SOX6: variants seen among roughly 807,000 people sequenced by gnomAD.
SOX6 encodes SRY-box transcription factor 6, also known as transcription factor SOX-6.
In SOX6, 11 loss-of-function variants were observed where a neutral mutation model predicts 97.8. The observed-to-expected ratio is 0.11, with a 90% CI of 0.07 to 0.19. The LOEUF is 0.19. Among genes scored for constraint, SOX6 ranks in the 10% least tolerant of loss-of-function variants. The pLI is 1.00. For missense variants in SOX6, 810 were observed against 1,039.5 expected (o/e 0.78, Z 3.04); for synonymous variants, 360 against 371.4 (o/e 0.97, Z 0.35).
chr11:16,421,413 A>G (rs1859019860), intron 1 of SOX6, among the ~76,000 whole-genome samples: 1 of 152,168 alleles, frequency 6.6e-6, no homozygotes, highest in Non-Finnish European at 1.5e-5. Context: ...TGCATAAAAT[A>G]TAGAAAATGT....
intron 1 of SOX6, among the ~76,000 whole-genome samples, chr11:16,473,064 CA>C (rs1332964956): frequency 6.6e-6 from 1 of 152,108 alleles, no homozygotes; most frequent in East Asian, 1.9e-4. Context: ...TGATTAATTT[CA>C]AGTACTTTAA....
rs574945562 is a variant in SOX6, at chr11:16,321,624, T to C, written c.238-2971A>G. 5.3e-5 allele frequency among the ~76,000 whole-genome samples: 8 copies of C among 152,184 alleles called. No homozygotes were observed. The East Asian group carries it at 1.2e-3, about 22-fold the overall frequency. ...CAGACAATAACCATGGGTTCCTTAT[T>C]GCAGTGATGACCCACACTGTTCTTA... is the stretch of plus-strand genomic sequence containing the variant. On this transcript the variant is annotated intron_variant, in intron 2 of 15. Transcript: ENST00000683767.
chr11:16,412,922 G>A (rs1386325996), intron 1 of SOX6, among the ~76,000 whole-genome samples: 1 of 152,144 alleles, frequency 6.6e-6, no homozygotes, highest in East Asian at 1.9e-4. Context: ...ACTGTTGCCA[G>A]GAGTATGAAA....
chr11:16,717,226 G>A (rs1201243129), intron 2 of SOX6, among the ~76,000 whole-genome samples: 3 of 152,072 alleles, frequency 2.0e-5, no homozygotes, highest in Non-Finnish European at 2.9e-5. Context: ...ATCACAGAGC[G>A]TTACAGATGG....
At chr11:16,729,138 C>T (rs764115733) in intron 2 of SOX6, among the ~76,000 whole-genome samples, 2 of 152,130 alleles carry the variant, frequency 1.3e-5, no homozygotes, top group African/African-American at 2.4e-5. Context: ...GAGAATGGAA[C>T]CAAGTTGGAA....
In SOX6 at chr11:16,049,942, C is replaced by A. The variant is rs751062814; in HGVS notation, c.1252-4G>T. ...GAGGCTGTGCTGCTGCTTCATCCTA[C>A]AAGAGTTTAACGTAAATAATTATTT... On this transcript the variant is annotated splice_region_variant and splice_polypyrimidine_tract_variant and intron_variant, in intron 10 of 15. Transcript: ENST00000683767. 4 of 1,613,372 alleles carry A rather than the reference C, an allele frequency of 2.5e-6. No individual in the cohort carries two copies. Among genetic ancestry groups the A allele is most frequent in the Non-Finnish European group, 3.4e-6 (4 of 1,179,616 alleles).
intron 2 of SOX6, among the ~76,000 whole-genome samples, chr11:16,329,820 A>G (rs768597932): frequency 6.6e-6 from 1 of 152,206 alleles, no homozygotes; most frequent in Non-Finnish European, 1.5e-5. Flanking sequence ...AGCAGCTCCC[A>G]AAGTGGTCCA....
At chr11:16,189,799 T>C (rs1201213615) in intron 4 of SOX6, among the ~76,000 whole-genome samples, 1 of 151,980 alleles carries the variant, frequency 6.6e-6, no homozygotes, top group African/African-American at 2.4e-5. Flanking sequence ...CTATATGATA[T>C]AAGTTAAGAG....
intron 3 of SOX6, chr11:16,313,344 C>T (rs1482553021): frequency 1.3e-5 from 2 of 152,030 alleles, no homozygotes; most frequent in Non-Finnish European, 2.9e-5. Flanking sequence ...AAATATTCTC[C>T]AGAACAAGAA....
chr11:16,079,263 G>C (rs1023090406), intron 9 of SOX6, among the ~76,000 whole-genome samples: 3 of 152,088 alleles, frequency 2.0e-5, no homozygotes, highest in Non-Finnish European at 2.9e-5. Context: ...GCAAGCATGG[G>C]TAACTGTGTA....
chr11:16,496,374 T>G (rs776721064), intron 4 of SOX6, among the ~76,000 whole-genome samples: 12 of 150,776 alleles, frequency 8.0e-5, no homozygotes, highest in Non-Finnish European at 1.5e-4. Flanking sequence ...AGCTCCAGTC[T>G]ACAGCTCCCA....
At chr11:16,586,699 G>A (rs1273864725) in intron 4 of SOX6, among the ~76,000 whole-genome samples, 1 of 152,080 alleles carries the variant, frequency 6.6e-6, no homozygotes, top group Non-Finnish European at 1.5e-5. Flanking sequence ...CAGCCTGGGT[G>A]AGAGAGTGAG....
At position 16,006,102 on chromosome 11, in the gene SOX6, T is replaced by C. The variant is rs566136754; in HGVS notation, c.1732+8840A>G. 1.8e-3 allele frequency among the ~76,000 whole-genome samples: 281 copies of C among 152,158 alleles called. 1 individual carries two copies. The highest frequency in any genetic ancestry group is 3.0e-3 in the Non-Finnish European group (206 of 67,974). ...AGAGGAGGAAAGGAATTATTTCTAG[T>C]ATGCGTTTGAATGAAAACCCACCTA... On this transcript the variant is annotated intron_variant, in intron 13 of 15. Coordinates refer to ENST00000683767, the MANE Select transcript of SOX6 (RefSeq NM_001367873.1).
At chr11:16,035,677 T>C (rs944730721) in intron 12 of SOX6, among the ~76,000 whole-genome samples, 1 of 152,214 alleles carries the variant, frequency 6.6e-6, no homozygotes, top group African/African-American at 2.4e-5. Flanking sequence ...ATTAATATTA[T>C]ATTTAGTGCC....
chr11:16,100,477 G>A (rs1395787084), intron 7 of SOX6, among the ~76,000 whole-genome samples: 1 of 151,638 alleles, frequency 6.6e-6, no homozygotes, highest in Admixed American at 6.6e-5. Flanking sequence ...ACAAAACAAA[G>A]ACAAAGTAGG....
chr11:16,180,136 A>G (rs954101606), intron 6 of SOX6, among the ~76,000 whole-genome samples: 9 of 151,810 alleles, frequency 5.9e-5, no homozygotes, highest in Non-Finnish European at 8.8e-5. Context: ...AAATCAAGAA[A>G]TGAGGATTTA....
At chr11:16,518,479 C>T (rs1861008950) in intron 4 of SOX6, among the ~76,000 whole-genome samples, 1 of 152,056 alleles carries the variant, frequency 6.6e-6, no homozygotes, top group Non-Finnish European at 1.5e-5. Flanking sequence ...TTATATAATA[C>T]CTATTGTCTT....
At chr11:16,366,007 C>T (rs1291801497) in intron 1 of SOX6, among the ~76,000 whole-genome samples, 3 of 152,000 alleles carry the variant, frequency 2.0e-5, no homozygotes, top group Admixed American at 2.0e-4. Context: ...ACACTTTAGC[C>T]CAAAGGGCAG....
At position 16,013,189 on chromosome 11, in the gene SOX6, G is replaced by A. The variant is rs374857034; in HGVS notation, c.1732+1753C>T. Among the ~76,000 whole-genome samples the A allele has an allele frequency of 2.0e-5, 3 of 152,054 alleles. No homozygotes were observed. The South Asian group carries it at 6.2e-4, about 31-fold the overall frequency. ...AAATTAGAAAAGTCTTTGACAGCGCGGGTAAGGTGACAGAGCTCTGTAACT... is the reference window on the plus strand; with the variant it reads ...AAATTAGAAAAGTCTTTGACAGCGCAGGTAAGGTGACAGAGCTCTGTAACT... On this transcript the variant is annotated intron_variant, in intron 13 of 15. Transcript: ENST00000683767.
Sources: allele counts gnomAD v4.1 joint callset (sites outside exome capture counted in the v4.1 genomes callset), GRCh38; gene constraint gnomAD v4.1.1; transcripts MANE v1.5; gene names NCBI Gene and HGNC (gene_info 2026-07-23, HGNC 2026-07-21).